Variants in ATP2C1 observed in about 807,000 individuals in gnomAD.
The protein encoded by ATP2C1 is calcium-transporting ATPase type 2C member 1.
In ATP2C1, 31 loss-of-function variants were observed where a neutral mutation model predicts 120.5. The observed-to-expected ratio is 0.26, with a 90% confidence interval of 0.19 to 0.35. The LOEUF (loss-of-function observed/expected upper bound fraction) is 0.35. Among genes scored for constraint, ATP2C1 ranks in the 10% least tolerant of loss-of-function variants. The probability of loss-of-function intolerance (pLI) is 1.00; values close to 1 mark genes in which losing one functional copy is unlikely to be tolerated. For synonymous variants in ATP2C1, 351 were observed against 358.7 expected (o/e 0.98, Z 0.24); for missense variants, 731 against 1,107.5 (o/e 0.66, Z 4.83).
At chr3:130,872,241 A>G (rs1409134971) in intron 1 of ATP2C1, among the ~76,000 whole-genome samples, 4 of 152,204 alleles carry the variant, frequency 2.6e-5, no homozygotes, top group African/African-American at 9.7e-5. Flanking sequence ...AATTAAAAGA[A>G]ACAAAGAATA....
At chr3:130,930,569 C>A in intron 3 of ATP2C1, 43 bp downstream of exon 3, 2 of 1,227,232 alleles carry the variant, frequency 1.6e-6, no homozygotes, top group South Asian at 1.2e-5. Flanking sequence ...GGTGTAAAGT[C>A]AGTCACTTAG....
Position 130,887,090 on chromosome 3 carries a change from A to C in ATP2C1, c.108+36162A>C, listed in dbSNP as rs531860556. Among the ~76,000 whole-genome samples, 6 of 152,314 alleles carry C rather than the reference A, an allele frequency of 3.9e-5. No individual in the cohort carries two copies. In the East Asian group the frequency reaches 1.2e-3, roughly 29 times the overall value. ...GTGGTTCTTGTAGACTTGTAGAGGT[A>C]CTGCCTTGGTGGTCTTGGATAAAAC... On this transcript the variant is annotated intron_variant, in intron 1 of 26. Transcript: ENST00000504381.
rs1428831167 is a variant in ATP2C1, at chr3:130,999,548, A to G, written c.2518A>G (p.Ser840Gly). Reference protein sequence around the residue: ...TKSVFEIGLCSNRMFCYAVLG... With the variant: ...TKSVFEIGLCGNRMFCYAVLG... ...GTCTGTGTTTGAGATTGGACTCTGC[A>G]GTAATAGAATGTTTTGCTATGCAGT... The change falls in exon 27 of 28, where the codon AGT (serine) becomes GGT (glycine). Residue 840 changes from serine (S) to glycine (G), a missense_variant. Coordinates refer to ENST00000510168, the MANE Select transcript of ATP2C1 (RefSeq NM_001378687.1). The G allele has an allele frequency of 6.2e-7, 1 of 1,613,624 alleles. No individual in the cohort carries two copies.
intron 20 of ATP2C1, 27 bp from the exon 21 acceptor site, chr3:130,992,924 T>C (rs978002810): frequency 6.3e-7 from 1 of 1,589,888 alleles, no homozygotes; most frequent in Non-Finnish European, 8.6e-7. Context: ...ATATTGAAGA[T>C]TTTTAGTGTA....
chr3:130,977,754 A>G (rs1180428066), intron 18 of ATP2C1, among the ~76,000 whole-genome samples: 1 of 152,046 alleles, frequency 6.6e-6, no homozygotes, highest in African/African-American at 2.4e-5. Flanking sequence ...CTCTTGCTTC[A>G]TGTCTTTTCT....
Position 130,894,149 on chromosome 3 carries a change from T to TGGCCCAC in ATP2C1, c.-369_-368insGGCCCAC. 1.4e-6 allele frequency: 1 copy of TGGCCCAC among 694,858 alleles called. No homozygotes were observed. Among genetic ancestry groups the TGGCCCAC allele is most frequent in the Non-Finnish European group, 1.8e-6 (1 of 565,212 alleles). 43.0% of individuals were successfully genotyped at this position (694,858 alleles called of 1,614,324 possible). A position where few individuals can be genotyped will look rare whatever the true frequency, so the allele number is the denominator to read the frequency against. ...ACGGGTCCCCTCACCTCCTCTTCTC[T>TGGCCCAC]CCCCTCCCCGCCCGCCCTCTCTCCC... is the stretch of plus-strand genomic sequence containing the variant. On this transcript the variant is annotated 5_prime_UTR_variant, in exon 1 of 28. Transcript: ENST00000510168. The surrounding 1 kb of genome is among the most constrained non-coding windows in gnomAD (Gnocchi z 4.5).
chr3:130,962,979 G>T (rs986554010), intron 12 of ATP2C1: 1 of 151,804 alleles, frequency 6.6e-6, no homozygotes, highest in African/African-American at 2.4e-5. Context: ...AGAAAAAGTT[G>T]GTAATGGAAA....
At chr3:130,914,045 C>G (rs978796493) in intron 2 of ATP2C1, among the ~76,000 whole-genome samples, 20 of 151,938 alleles carry the variant, frequency 1.3e-4, no homozygotes, top group African/African-American at 4.8e-4. Context: ...ACGGGCAAAC[C>G]TGCTCTTTCC....
chr3:130,850,702 AGGAG>A, exon 1 of ATP2C1: 1 of 495,380 alleles, frequency 2.0e-6, no homozygotes, highest in Non-Finnish European at 3.5e-6. Context: ...CTTTGTTTGT[AGGAG>A]GGAAGTTGTC....
chr3:130,918,112 A>G (rs2058767736), intron 2 of ATP2C1: 2 of 696,400 alleles, frequency 2.9e-6, no homozygotes, highest in Admixed American at 2.2e-5. Context: ...ACAGGGTAAT[A>G]TATAGTACTT....
intron 26 of ATP2C1, chr3:131,015,919 G>T: frequency 1.5e-6 from 1 of 667,310 alleles, no homozygotes; most frequent in Non-Finnish European, 2.6e-6. Context: ...TTTAAAATTG[G>T]ATTGAATCAT....
intron 1 of ATP2C1, among the ~76,000 whole-genome samples, chr3:130,884,899 G>A (rs1235804521): frequency 6.7e-6 from 1 of 149,480 alleles, no homozygotes; most frequent in Non-Finnish European, 1.5e-5. Flanking sequence ...ATCTTAATAG[G>A]TGAAGTGTGT....
intron 6 of ATP2C1, 152 bp from the exon 7 acceptor site, chr3:130,940,478 A>T: frequency 1.6e-6 from 1 of 630,628 alleles, no homozygotes; most frequent in Admixed American, 2.8e-5. Context: ...TTTTAAAATA[A>T]GGGACAAGCT....
chr3:130,850,613 T>A (rs1037432826), exon 1 of ATP2C1: 2 of 384,184 alleles, frequency 5.2e-6, no homozygotes, highest in Non-Finnish European at 9.4e-6. Flanking sequence ...TCTGGACGCT[T>A]CTAGACAGTG....
rs776336182 is a variant in ATP2C1 at position 130,996,720 on chromosome 3, A to G, written c.2167A>G (p.Met723Val). Reference protein sequence around the residue: ...ALTLISLATLMNFPNPLNAMQ... With the variant: ...ALTLISLATLVNFPNPLNAMQ... ...AACTTTAATCTCATTGGCTACATTA[A>G]TGAACTTTCCTAATCCTCTCAATGC... is the stretch of plus-strand genomic sequence containing the variant. Residue 723 changes from methionine (M) to valine (V), a missense_variant, in exon 24 of 28, where the codon ATG becomes GTG. Transcript: ENST00000510168. 19 of 1,612,802 alleles carry G rather than the reference A, an allele frequency of 1.2e-5. No homozygotes were observed. Among genetic ancestry groups the G allele is most frequent in the East Asian group, 2.2e-5 (1 of 44,858 alleles).
At chr3:131,014,135 C>T in intron 26 of ATP2C1, 1 of 1,613,394 alleles carries the variant, frequency 6.2e-7, no homozygotes, top group East Asian at 2.2e-5. Context: ...TTCCCTCATA[C>T]CAACACTTGG....
chr3:130,938,499 T>C (rs2059763387), intron 6 of ATP2C1, among the ~76,000 whole-genome samples: 1 of 152,266 alleles, frequency 6.6e-6, no homozygotes, highest in African/African-American at 2.4e-5. Flanking sequence ...AGGTAATCTC[T>C]AACCTAGTTG....
At chr3:130,996,969 C>T (rs2062651038) in intron 24 of ATP2C1, among the ~76,000 whole-genome samples, 173 bp downstream of exon 24, 1 of 152,066 alleles carries the variant, frequency 6.6e-6, no homozygotes, top group Admixed American at 6.6e-5. Flanking sequence ...TTTGAGTGTG[C>T]ATGCAGTGTA....
chr3:130,997,777 ATATTAAC>A, intron 25 of ATP2C1, 24 bp downstream of exon 25: 1 of 1,611,468 alleles, frequency 6.2e-7, no homozygotes, highest in Non-Finnish European at 8.5e-7. Context: ...CCAAGCTGCT[ATATTAAC>A]ATGAATTCTG....
Sources: allele counts gnomAD v4.1 joint callset (sites outside exome capture counted in the v4.1 genomes callset), GRCh38; gene constraint gnomAD v4.1.1; non-coding constraint Gnocchi (gnomAD v3.1); transcripts MANE v1.5; gene names NCBI Gene and HGNC (gene_info 2026-07-23, HGNC 2026-07-21).